Variants in SLC4A4 observed in about 807,000 individuals in gnomAD.
SLC4A4 encodes the protein solute carrier family 4 member 4.
Under a neutral mutation model 111.5 loss-of-function variants are expected in SLC4A4, and 27 were observed. The ratio of observed to expected loss-of-function variants is 0.24; its 90% CI spans 0.18 to 0.33. The LOEUF (loss-of-function observed/expected upper bound fraction) is 0.33, where lower values mean the gene tolerates loss of function less well. SLC4A4 is among the 10% of genes least tolerant of loss of function. The pLI is 1.00. For missense variants in SLC4A4, 909 were observed against 1,315.5 expected (o/e 0.69, Z 4.78); for synonymous variants, 443 against 463.4 (o/e 0.96, Z 0.57).
chr4:71,154,699 G>A (rs1744410893), intron 2 of SLC4A4, among the ~76,000 whole-genome samples: 2 of 152,108 alleles, frequency 1.3e-5, no homozygotes, highest in Admixed American at 1.3e-4. Flanking sequence ...GCTAAAATAA[G>A]TTAGTGACAA....
intron 1 of SLC4A4, among the ~76,000 whole-genome samples, chr4:71,091,276 G>A (rs971805581): frequency 2.6e-4 from 37 of 141,792 alleles, no homozygotes; most frequent in South Asian, 2.3e-3. Flanking sequence ...TTTTTGAGCC[G>A]GAGTCTTGCT....
In SLC4A4 at chr4:71,440,389, C is replaced by T. The variant is rs564529860; in HGVS notation, c.808-227C>T. Among the ~76,000 whole-genome samples, 7 of 151,754 alleles carry T rather than the reference C, an allele frequency of 4.6e-5. No individual in the cohort carries two copies. In the South Asian group the frequency reaches 1.5e-3, roughly 32 times the overall value. On this transcript the variant is annotated intron_variant, in intron 7 of 25. Coordinates refer to ENST00000264485, the MANE Select transcript of SLC4A4 (RefSeq NM_001098484.3). ...TTATATGTAAACCATGTGATTAATC[C>T]CTCAATATTTTTGAATTCAAGGTAC...
intron 3 of SLC4A4, among the ~76,000 whole-genome samples, chr4:71,311,624 C>T (rs1726172513): frequency 6.6e-6 from 1 of 152,086 alleles, no homozygotes; most frequent in African/African-American, 2.4e-5. Flanking sequence ...AAGTAAAGTT[C>T]TTTGAAACCT....
intron 1 of SLC4A4, among the ~76,000 whole-genome samples, chr4:71,087,531 A>T (rs1239920001): frequency 6.6e-5 from 10 of 152,038 alleles, no homozygotes; most frequent in Admixed American, 2.6e-4. Context: ...TGCTTTCTCT[A>T]GTGGGCATTT....
At chr4:71,288,437 C>T (rs1371508149) in intron 3 of SLC4A4, among the ~76,000 whole-genome samples, 1 of 151,780 alleles carries the variant, frequency 6.6e-6, no homozygotes, top group African/African-American at 2.4e-5. Flanking sequence ...TTCACACTGC[C>T]GCCCAGCCTG....
intron 7 of SLC4A4, among the ~76,000 whole-genome samples, chr4:71,427,661 T>C (rs1349254139): frequency 6.6e-6 from 1 of 152,150 alleles, no homozygotes; most frequent in African/African-American, 2.4e-5. Flanking sequence ...AATTTTATAC[T>C]CTAGATGATA....
intron 13 of SLC4A4, among the ~76,000 whole-genome samples, chr4:71,467,365 C>T (rs183526720): frequency 2.1e-3 from 323 of 152,202 alleles, no homozygotes; most frequent in Non-Finnish European, 3.5e-3. Flanking sequence ...AAGATAGCTT[C>T]CAAAACTCAG....
chr4:71,262,880 T>C (rs1375243023), intron 3 of SLC4A4, among the ~76,000 whole-genome samples: 1 of 152,102 alleles, frequency 6.6e-6, no homozygotes, highest in African/African-American at 2.4e-5. Flanking sequence ...TTTTTTGTTA[T>C]ACTTTAAGTT....
intron 1 of SLC4A4, among the ~76,000 whole-genome samples, chr4:71,209,362 C>A (rs1444718854): frequency 6.6e-6 from 1 of 152,164 alleles, no homozygotes; most frequent in East Asian, 1.9e-4. Context: ...GGAGACAGGG[C>A]AGACACATTT....
At chr4:71,540,805 A>G (rs867665477) in intron 18 of SLC4A4, among the ~76,000 whole-genome samples, 1 of 152,146 alleles carries the variant, frequency 6.6e-6, no homozygotes, top group Non-Finnish European at 1.5e-5. Context: ...ATCATTTCCT[A>G]TCCAAAGATA....
chr4:71,546,965 T>A (rs2149235408), intron 19 of SLC4A4, among the ~76,000 whole-genome samples: 1 of 152,074 alleles, frequency 6.6e-6, no homozygotes. Flanking sequence ...CTCCAGACGT[T>A]CAATTTGGGT....
chr4:71,265,232 G>C (rs1416081395), intron 3 of SLC4A4, among the ~76,000 whole-genome samples: 1 of 152,174 alleles, frequency 6.6e-6, no homozygotes, highest in Non-Finnish European at 1.5e-5. Flanking sequence ...CAGATGGAGA[G>C]AAGGTGCTGT....
chr4:71,380,685 C>T (rs1718053291), intron 6 of SLC4A4, among the ~76,000 whole-genome samples: 1 of 152,170 alleles, frequency 6.6e-6, no homozygotes, highest in Admixed American at 6.5e-5. Flanking sequence ...GATTGTTCTA[C>T]TGTAATCTAG....
At chr4:71,216,751 G>C (rs1419736226) in intron 1 of SLC4A4, among the ~76,000 whole-genome samples, 1 of 152,206 alleles carries the variant, frequency 6.6e-6, no homozygotes, top group Admixed American at 6.5e-5. Flanking sequence ...TCCGCCAGTT[G>C]CTAGTAATGT....
intron 11 of SLC4A4, among the ~76,000 whole-genome samples, chr4:71,451,819 T>TGACA (rs1725788479): frequency 6.6e-6 from 1 of 152,102 alleles, no homozygotes; most frequent in Non-Finnish European, 1.5e-5. Context: ...GGCAGAGGAC[T>TGACA]GACAGATGTA....
At chr4:71,367,611 A>G (rs1033863434) in intron 6 of SLC4A4, among the ~76,000 whole-genome samples, 31 of 152,328 alleles carry the variant, frequency 2.0e-4, no homozygotes, top group African/African-American at 7.0e-4. Flanking sequence ...CAATTTGGGA[A>G]CAATCTCAAC....
chr4:71,204,886 CAAT>C lies in SLC4A4; in HGVS notation c.-2+17486_-2+17488del, dbSNP rs771408664. On this transcript the variant is annotated intron_variant, in intron 1 of 25. Coordinates refer to ENST00000264485, the MANE Select transcript of SLC4A4 (RefSeq NM_001098484.3). ...TAAAACAACTAGAGAACAAGAAAGA[CAAT>C]GAGAGAGGCTAATGTAGACAAAATA... Among the ~76,000 whole-genome samples, 125 of 152,196 alleles carry C rather than the reference CAAT, an allele frequency of 8.2e-4. 2 individuals are homozygous for C. The highest frequency in any genetic ancestry group is 2.2e-4 in the Non-Finnish European group (15 of 67,988).
rs75488342 is a variant in SLC4A4 at position 71,253,896 on chromosome 4, C to T, written c.74-1324C>T. On this transcript the variant is annotated intron_variant, in intron 2 of 25. Coordinates refer to ENST00000264485, the MANE Select transcript of SLC4A4 (RefSeq NM_001098484.3). Reference sequence around the variant, plus strand: ...CTGATGTCTTCTTTTGAATACTAACCCATTCACTTAGGTTCTGCATTGCTT... The same window carrying T: ...CTGATGTCTTCTTTTGAATACTAACTCATTCACTTAGGTTCTGCATTGCTT... Among the ~76,000 whole-genome samples, 1,204 of 152,238 alleles carry T rather than the reference C, an allele frequency of 7.9e-3. 18 individuals carry two copies. Among genetic ancestry groups the T allele is most frequent in the African/African-American group, 0.028 (1,156 of 41,544 alleles).
chr4:71,463,482 T>G (rs1258161081), intron 12 of SLC4A4, among the ~76,000 whole-genome samples: 1 of 152,204 alleles, frequency 6.6e-6, no homozygotes, highest in African/African-American at 2.4e-5. Flanking sequence ...GAAACATCTC[T>G]AAGTTTAAGC....
Sources: allele counts gnomAD v4.1 joint callset (sites outside exome capture counted in the v4.1 genomes callset), GRCh38; gene constraint gnomAD v4.1.1; transcripts MANE v1.5; gene names NCBI Gene and HGNC (gene_info 2026-07-23, HGNC 2026-07-21).